Variants in HHAT observed in about 807,000 individuals in gnomAD.
The protein encoded by HHAT is hedgehog acyltransferase.
HHAT carries 47 observed loss-of-function variants against 70.8 expected under a neutral mutation model. That is an observed-to-expected ratio of 0.66 (90% confidence interval 0.53 to 0.85). The LOEUF is 0.85. Among genes scored for constraint, HHAT ranks in the 40% least tolerant of loss-of-function variants. The pLI, the probability that HHAT is intolerant of heterozygous loss-of-function variation, is 0.00. For missense variants in HHAT, 609 were observed against 604.8 expected, an observed-to-expected ratio of 1.01 and a Z score of -0.07; for synonymous variants, 228 against 247.6, an observed-to-expected ratio of 0.92 and a Z score of 0.74.
intron 10 of HHAT, among the ~76,000 whole-genome samples, chr1:210,595,537 C>CCA (rs1394653736): frequency 6.6e-6 from 1 of 152,196 alleles, no homozygotes; most frequent in Non-Finnish European, 1.5e-5. Context: ...TGAGGAGTCG[C>CCA]CACACTGACT....
intron 9 of HHAT, among the ~76,000 whole-genome samples, chr1:210,548,096 G>A (rs1360668560): frequency 6.6e-6 from 1 of 152,206 alleles, no homozygotes; most frequent in Non-Finnish European, 1.5e-5. Flanking sequence ...TGACCCAGCA[G>A]TGATGGACTG....
At chr1:210,404,749 C>G in intron 6 of HHAT, 70 bp downstream of exon 6, 2 of 1,292,232 alleles carry the variant, frequency 1.5e-6, no homozygotes, top group Non-Finnish European at 2.2e-6. Flanking sequence ...CTGGTCTTCT[C>G]TGACTCTTGA....
chr1:210,497,651 T>C (rs2094674404), intron 8 of HHAT, among the ~76,000 whole-genome samples: 2 of 152,186 alleles, frequency 1.3e-5, no homozygotes, highest in African/African-American at 4.8e-5. Context: ...CTTCTCTCTA[T>C]CTTCCAGTCA....
intron 7 of HHAT, among the ~76,000 whole-genome samples, chr1:210,460,906 T>A (rs1367784521): frequency 6.6e-6 from 1 of 152,192 alleles, no homozygotes; most frequent in East Asian, 1.9e-4. Context: ...CCGTACCCTC[T>A]GCACATGCTT....
At chr1:210,438,442 C>A (rs187567728) in intron 7 of HHAT, among the ~76,000 whole-genome samples, 1 of 151,798 alleles carries the variant, frequency 6.6e-6, no homozygotes, top group Non-Finnish European at 1.5e-5. Flanking sequence ...ATAAGGTAGA[C>A]CAACTTGTCC....
chr1:210,670,199 C>T (rs2148982251), intron 11 of HHAT, among the ~76,000 whole-genome samples: 1 of 152,324 alleles, frequency 6.6e-6, no homozygotes, highest in South Asian at 2.1e-4. Flanking sequence ...GTTATTTGAG[C>T]TGCTGATGAA....
At chr1:210,547,852 T>C (rs2095496848) in intron 9 of HHAT, among the ~76,000 whole-genome samples, 2 of 152,190 alleles carry the variant, frequency 1.3e-5, no homozygotes, top group African/African-American at 4.8e-5. Flanking sequence ...TCTGAGCAGA[T>C]GTGTTACCCC....
chr1:210,461,851 C>T (rs1378698972), intron 7 of HHAT, among the ~76,000 whole-genome samples: 1 of 152,054 alleles, frequency 6.6e-6, no homozygotes, highest in Non-Finnish European at 1.5e-5. Context: ...TATTCAGTGA[C>T]AGGAAAATAG....
Position 210,547,884 on chromosome 1 carries a change from G to T in HHAT, c.1043+34696G>T, listed in dbSNP as rs1275379686. 3.9e-5 allele frequency among the ~76,000 whole-genome samples: 6 copies of T among 152,316 alleles called. No homozygotes were observed. In the East Asian group the frequency reaches 1.2e-3, roughly 29 times the overall value. ...CCCCAGCCAGGTGGACATCTTAAGT[G>T]TGTGTGTACACAGCAGAGCAGATTA... On this transcript the variant is annotated intron_variant, in intron 9 of 11. Transcript: ENST00000261458.
intron 8 of HHAT, among the ~76,000 whole-genome samples, chr1:210,508,668 C>T (rs2094904129): frequency 6.6e-6 from 1 of 152,080 alleles, no homozygotes; most frequent in South Asian, 2.1e-4. Flanking sequence ...ATTCTTCCAG[C>T]CAGTAAGATA....
intron 11 of HHAT, chr1:210,631,208 T>C (rs1338559345): frequency 4.6e-6 from 2 of 434,582 alleles, no homozygotes; most frequent in African/African-American, 4.1e-5. Flanking sequence ...CTCCAAATTC[T>C]ACTCTTCTCT....
chr1:210,493,502 T>G (rs944318515), intron 8 of HHAT, among the ~76,000 whole-genome samples: 9 of 152,160 alleles, frequency 5.9e-5, no homozygotes. Flanking sequence ...GTCTACTGAT[T>G]TAAATGTTCA....
At chr1:210,463,637 T>G (rs1268583210) in intron 7 of HHAT, among the ~76,000 whole-genome samples, 3 of 152,208 alleles carry the variant, frequency 2.0e-5, no homozygotes, top group Non-Finnish European at 4.4e-5. Context: ...AACATATGTT[T>G]TGTGTGAACA....
At chr1:210,414,328 A>T (rs1029439163) in intron 6 of HHAT, among the ~76,000 whole-genome samples, 1 of 152,182 alleles carries the variant, frequency 6.6e-6, no homozygotes, top group African/African-American at 2.4e-5. Flanking sequence ...GGATTTCAAC[A>T]TATGAATTTT....
intron 7 of HHAT, among the ~76,000 whole-genome samples, chr1:210,445,773 C>G (rs34167770): frequency 0.12 from 18,328 of 152,130 alleles, 1,179 homozygotes; most frequent in Non-Finnish European, 0.14. Flanking sequence ...GGCTAGACAT[C>G]TCCTGCCACC....
intron 9 of HHAT, among the ~76,000 whole-genome samples, chr1:210,569,636 C>T (rs1021484361): frequency 2.0e-5 from 3 of 152,008 alleles, no homozygotes; most frequent in Admixed American, 6.6e-5. Context: ...GTGATATTAG[C>T]GATACATTGG....
In HHAT at chr1:210,358,771, T is replaced by C. The variant is rs529581708; in HGVS notation, c.92-4081T>C. Among the ~76,000 whole-genome samples, 41 of 152,228 alleles carry C rather than the reference T, an allele frequency of 2.7e-4. No homozygotes were observed. In the South Asian group the frequency reaches 5.6e-3, roughly 21 times the overall value. On this transcript the variant is annotated intron_variant, in intron 2 of 11. Transcript: ENST00000261458. ...GTGGCTTGTGTCAGACTAGGGTGTG[T>C]GTGTGTATGTGTTTTCTTCTGATTA...
intron 3 of HHAT, among the ~76,000 whole-genome samples, chr1:210,386,455 G>T (rs145957972): frequency 0.038 from 5,676 of 150,908 alleles, 365 homozygotes; most frequent in African/African-American, 0.13. Context: ...AGCCGGGATG[G>T]TCTCGATCTC....
rs1571887648 is a variant in HHAT at position 210,362,837 on chromosome 1, T to C, written c.92-15T>C. 6.2e-7 allele frequency: 1 copy of C among 1,609,326 alleles called. No homozygotes were observed. The highest frequency in any genetic ancestry group is 8.5e-7 in the Non-Finnish European group (1 of 1,176,410). On this transcript the variant is annotated splice_polypyrimidine_tract_variant and intron_variant, in intron 2 of 11. Transcript: ENST00000261458. ...TTAGATTTGTGACTAACGAAGACTT[T>C]TTTTTTTTGGTCAGAACACGAAGAG... is the stretch of plus-strand genomic sequence containing the variant.
Sources: gnomAD v4.1 joint callset for allele counts (sites outside exome capture counted in the v4.1 genomes callset) on GRCh38, gnomAD v4.1.1 for gene constraint, MANE v1.5 for transcripts, NCBI Gene and HGNC (gene_info 2026-07-23, HGNC 2026-07-21) for gene names.